The following TTC28 variants were observed in gnomAD, a reference collection of about 807,000 sequenced individuals.
TTC28 encodes tetratricopeptide repeat protein 28.
TTC28 carries 61 observed loss-of-function variants against 198.0 expected under a neutral mutation model. The observed-to-expected ratio is 0.31, with a 90% CI of 0.25 to 0.38. TTC28 has a LOEUF of 0.38. Ranked by LOEUF, TTC28 falls within the 10% of genes least tolerant of loss-of-function variation. TTC28 has a pLI of 1.00. For missense variants in TTC28, 2,678 were observed against 3,164.0 expected, an observed-to-expected ratio of 0.85 and a Z score of 3.69; for synonymous variants, 1,171 against 1,297.8, an observed-to-expected ratio of 0.90 and a Z score of 2.10.
intron 10 of TTC28, among the ~76,000 whole-genome samples, 173 bp from the exon 11 acceptor site, chr22:28,096,581 G>A (rs1259210150): frequency 6.6e-6 from 1 of 152,136 alleles, no homozygotes; most frequent in African/African-American, 2.4e-5. Context: ...CAGATGGTGG[G>A]TGCAGTGTCC....
intron 3 of TTC28, among the ~76,000 whole-genome samples, chr22:28,302,991 T>A (rs775364717): frequency 1.3e-5 from 2 of 152,270 alleles, no homozygotes; most frequent in South Asian, 4.1e-4. Flanking sequence ...TTAACAGGCA[T>A]TTTCCATCAG....
At chr22:28,571,949 C>CA (rs34023160) in intron 2 of TTC28, among the ~76,000 whole-genome samples, 5 of 104,288 alleles carry the variant, frequency 4.8e-5, no homozygotes, top group East Asian at 5.7e-4. Flanking sequence ...GACTCCATTT[C>CA]AAAAAAAAAA....
intron 2 of TTC28, among the ~76,000 whole-genome samples, chr22:28,432,056 T>C (rs1181856672): frequency 1.3e-5 from 2 of 151,626 alleles, no homozygotes; most frequent in African/African-American, 4.9e-5. Context: ...GAGGCCGAGG[T>C]GGGCGGATCA....
At chr22:28,096,885 A>T (rs1288839957) in intron 10 of TTC28, among the ~76,000 whole-genome samples, 1 of 151,432 alleles carries the variant, frequency 6.6e-6, no homozygotes, top group East Asian at 1.9e-4. Context: ...GTTCACTGCA[A>T]TCTCCGCCCC....
chr22:28,216,866 C>T (rs1055725783), intron 5 of TTC28, among the ~76,000 whole-genome samples: 4 of 152,012 alleles, frequency 2.6e-5, no homozygotes, highest in Admixed American at 1.3e-4. Context: ...AGATCACAGG[C>T]GCATGCCACC....
Position 28,297,833 on chromosome 22 carries a change from A to G in TTC28, c.549T>C (p.Tyr183=), listed in dbSNP as rs759828195. The G allele has an allele frequency of 3.0e-4, 458 of 1,551,374 alleles. No homozygotes were observed. The highest frequency in any genetic ancestry group is 3.9e-4 in the Non-Finnish European group (445 of 1,146,900). ...CCAGTTTCATTTTCTGAAGCTGCTG[A>G]TAAGTGGGCTCGAGGGAGTCTGAAA... The part of the protein sequence containing the change: ...SPMRDSLEPT[Y]QQLQKMKLDK... The change falls in exon 4 of 23, where the codon TAT becomes TAC. Residue 183 remains tyrosine, a synonymous_variant. Transcript: ENST00000397906.
At chr22:28,554,947 T>C (rs1341730908) in intron 2 of TTC28, among the ~76,000 whole-genome samples, 2 of 152,080 alleles carry the variant, frequency 1.3e-5, no homozygotes, top group Non-Finnish European at 2.9e-5. Flanking sequence ...GTCTTCGCAA[T>C]CTATATATCC....
rs993633562 is a variant in TTC28 at position 28,505,543 on chromosome 22, C to T, written c.381+124009G>A. 1.8e-4 allele frequency among the ~76,000 whole-genome samples: 27 copies of T among 152,190 alleles called. 1 individual carries two copies. Among genetic ancestry groups the T allele is most frequent in the Admixed American group, 1.8e-3 (27 of 15,280 alleles). Reference sequence around the variant, plus strand: ...CAAGGGAAGTAGTGAGGGAACCACACTTCTCCCATGAATCTTTGCAACCCG... The same window carrying T: ...CAAGGGAAGTAGTGAGGGAACCACATTTCTCCCATGAATCTTTGCAACCCG... On this transcript the variant is annotated intron_variant, in intron 2 of 22. Coordinates refer to ENST00000397906, the MANE Select transcript of TTC28 (RefSeq NM_001145418.2).
chr22:28,251,216 G>A (rs944704666), intron 5 of TTC28, among the ~76,000 whole-genome samples: 1 of 152,166 alleles, frequency 6.6e-6, no homozygotes, highest in Non-Finnish European at 1.5e-5. Context: ...ATGGGAGACT[G>A]AAAGGAGACA....
chr22:28,447,789 C>G (rs139416802), intron 2 of TTC28, among the ~76,000 whole-genome samples: 2 of 152,268 alleles, frequency 1.3e-5, no homozygotes, highest in East Asian at 3.9e-4. Context: ...CAAAGTGATA[C>G]AAGGCTTTAA....
chr22:28,526,085 G>C (rs1306461820), intron 2 of TTC28, among the ~76,000 whole-genome samples: 3 of 152,124 alleles, frequency 2.0e-5, no homozygotes, highest in Non-Finnish European at 4.4e-5. Flanking sequence ...AGTACGGGAC[G>C]GGGCTGTGGA....
At chr22:28,543,836 A>G (rs984827581) in intron 2 of TTC28, among the ~76,000 whole-genome samples, 1 of 152,234 alleles carries the variant, frequency 6.6e-6, no homozygotes. Context: ...AGATGAAAAA[A>G]TTCTAAATAA....
chr22:28,550,732 T>C (rs1260087952), intron 2 of TTC28, among the ~76,000 whole-genome samples: 1 of 152,146 alleles, frequency 6.6e-6, no homozygotes, highest in Non-Finnish European at 1.5e-5. Context: ...AACATTTGAT[T>C]AGTCTTGACA....
At chr22:28,532,316 A>G (rs1601525193) in intron 2 of TTC28, among the ~76,000 whole-genome samples, 2 of 152,354 alleles carry the variant, frequency 1.3e-5, no homozygotes, top group Non-Finnish European at 1.5e-5. Flanking sequence ...GAAGAAATAG[A>G]TAAATTCCTG....
intron 2 of TTC28, among the ~76,000 whole-genome samples, chr22:28,430,036 A>ATTTTTTTTTTT (rs919396993): frequency 9.1e-6 from 1 of 109,994 alleles, no homozygotes. Context: ...CTGGAATATG[A>ATTTTTTTTTTT]TTTTTTTTTT....
chr22:28,428,279 C>A (rs921701444), intron 2 of TTC28, among the ~76,000 whole-genome samples: 3 of 152,010 alleles, frequency 2.0e-5, no homozygotes, highest in African/African-American at 7.3e-5. Context: ...TGAAAATATA[C>A]GAATTTGGAA....
At chr22:28,612,799 A>G (rs539244287) in intron 2 of TTC28, among the ~76,000 whole-genome samples, 49 of 152,348 alleles carry the variant, frequency 3.2e-4, no homozygotes, top group Non-Finnish European at 6.0e-4. Flanking sequence ...ACAAAGACAC[A>G]ATGTGCCAGA....
At chr22:27,996,333 A>G (rs951075895) in intron 16 of TTC28, 74 bp from the exon 17 acceptor site, 23 of 1,516,842 alleles carry the variant, frequency 1.5e-5, no homozygotes, top group Middle Eastern at 2.2e-4. Context: ...TCCAGGGCTC[A>G]CTTACGCCTC....
At chr22:28,515,280 G>T (rs1279570123) in intron 2 of TTC28, among the ~76,000 whole-genome samples, 2 of 152,078 alleles carry the variant, frequency 1.3e-5, no homozygotes, top group Non-Finnish European at 1.5e-5. Flanking sequence ...TGGATTCTAT[G>T]ATCTTCCAAA....
Sources: gnomAD v4.1 joint callset for allele counts (sites outside exome capture counted in the v4.1 genomes callset) on GRCh38, gnomAD v4.1.1 for gene constraint, MANE v1.5 for transcripts, NCBI Gene and HGNC (gene_info 2026-07-23, HGNC 2026-07-21) for gene names.